IQCM: variants seen among roughly 807,000 people sequenced by gnomAD.
The protein encoded by IQCM is IQ motif containing M.
In IQCM, 45 loss-of-function variants were observed where a neutral mutation model predicts 57.6. The ratio of observed to expected loss-of-function variants is 0.78; its 90% CI spans 0.62 to 1.00. IQCM has a LOEUF of 1.00. Ranked by LOEUF, IQCM falls within the 50% of genes least tolerant of loss-of-function variation. The pLI is 0.00. For missense variants in IQCM, 468 were observed against 511.6 expected, an observed-to-expected ratio of 0.91 and a Z score of 0.82; for synonymous variants, 148 against 158.9, an observed-to-expected ratio of 0.93 and a Z score of 0.51.
chr4:149,571,563 C>A (rs1751161901), intron 9 of IQCM, among the ~76,000 whole-genome samples: 1 of 151,996 alleles, frequency 6.6e-6, no homozygotes, highest in Non-Finnish European at 1.5e-5. Flanking sequence ...TCCAAGAGAT[C>A]TATTGTATAA....
At chr4:149,469,531 C>A (rs1399257848) in intron 12 of IQCM, among the ~76,000 whole-genome samples, 2 of 152,170 alleles carry the variant, frequency 1.3e-5, no homozygotes, top group African/African-American at 4.8e-5. Flanking sequence ...AGAATGGAAG[C>A]AAGTTGGAAA....
At chr4:149,648,379 C>T (rs1758835344) in intron 7 of IQCM, among the ~76,000 whole-genome samples, 1 of 152,140 alleles carries the variant, frequency 6.6e-6, no homozygotes, top group Admixed American at 6.5e-5. Context: ...ATGAACTCAT[C>T]ATTTTTTATG....
chr4:149,471,576 C>T (rs1739551739), intron 12 of IQCM, among the ~76,000 whole-genome samples: 1 of 152,120 alleles, frequency 6.6e-6, no homozygotes, highest in Non-Finnish European at 1.5e-5. Context: ...TGAAAGTATT[C>T]CAATCAATAG....
At chr4:149,507,580 G>A (rs973009247) in intron 12 of IQCM, among the ~76,000 whole-genome samples, 1 of 152,164 alleles carries the variant, frequency 6.6e-6, no homozygotes, top group Non-Finnish European at 1.5e-5. Flanking sequence ...ACTTGAGAGA[G>A]ATGATTTAGG....
At chr4:149,518,963 A>G (rs186706952) in intron 12 of IQCM, among the ~76,000 whole-genome samples, 63 of 152,350 alleles carry the variant, frequency 4.1e-4, no homozygotes, top group Admixed American at 1.8e-3. Flanking sequence ...TTGCCCACCA[A>G]ATCAATCATA....
chr4:149,799,704 A>G (rs1773432012), intron 2 of IQCM, among the ~76,000 whole-genome samples: 1 of 151,880 alleles, frequency 6.6e-6, no homozygotes, highest in Non-Finnish European at 1.5e-5. Context: ...GAGCAACTAC[A>G]TGCCAATAAA....
chr4:149,516,205 T>C (rs368518574), intron 12 of IQCM, among the ~76,000 whole-genome samples: 1 of 152,262 alleles, frequency 6.6e-6, no homozygotes, highest in African/African-American at 2.4e-5. Context: ...TACCTGGTGG[T>C]AGGTTGATTA....
intron 5 of IQCM, among the ~76,000 whole-genome samples, chr4:149,719,584 C>T (rs1321033711): frequency 6.6e-6 from 1 of 152,166 alleles, no homozygotes; most frequent in East Asian, 1.9e-4. Flanking sequence ...AGTTTATCTT[C>T]AGCAATGCTT....
intron 11 of IQCM, among the ~76,000 whole-genome samples, chr4:149,549,517 C>CA (rs1438910277): frequency 8.1e-4 from 122 of 150,640 alleles, no homozygotes; most frequent in African/African-American, 2.4e-3. Context: ...GACTCCGTCT[C>CA]AAAAAAAAAG....
intron 13 of IQCM, among the ~76,000 whole-genome samples, chr4:149,403,056 G>A (rs922379053): frequency 1.5e-4 from 22 of 151,688 alleles, no homozygotes; most frequent in South Asian, 6.2e-4. Context: ...GATGTCATTC[G>A]TATTTAAAAG....
intron 12 of IQCM, among the ~76,000 whole-genome samples, chr4:149,524,880 T>C (rs1746005460): frequency 6.6e-6 from 1 of 151,660 alleles, no homozygotes; most frequent in East Asian, 1.9e-4. Context: ...GTAATATACT[T>C]ATAAACCTAT....
chr4:149,591,135 C>T (rs1753120688), intron 8 of IQCM, among the ~76,000 whole-genome samples: 1 of 151,932 alleles, frequency 6.6e-6, no homozygotes, highest in African/African-American at 2.4e-5. Context: ...TTCTCAAATC[C>T]CACAGTTTAA....
At chr4:149,381,338 A>C (rs1731061188) in intron 13 of IQCM, among the ~76,000 whole-genome samples, 1 of 152,008 alleles carries the variant, frequency 6.6e-6, no homozygotes, top group African/African-American at 2.4e-5. Context: ...GCCAGATTAA[A>C]CCATGTCATT....
intron 13 of IQCM, among the ~76,000 whole-genome samples, chr4:149,392,133 T>TC (rs1731902513): frequency 6.6e-6 from 1 of 151,758 alleles, no homozygotes; most frequent in Non-Finnish European, 1.5e-5. Flanking sequence ...CAGTTTTTTT[T>TC]TTTTTCACAT....
chr4:149,706,200 T>C (rs1049981675), intron 5 of IQCM, among the ~76,000 whole-genome samples: 8 of 152,108 alleles, frequency 5.3e-5, no homozygotes, highest in African/African-American at 1.9e-4. Flanking sequence ...TGAATCTTCT[T>C]TATTTCCATT....
chr4:149,647,756 C>T (rs1364921664), intron 7 of IQCM, among the ~76,000 whole-genome samples: 1 of 152,072 alleles, frequency 6.6e-6, no homozygotes, highest in African/African-American at 2.4e-5. Context: ...TTAATTGGGT[C>T]TCTTGAACCT....
rs181438095 is a variant in IQCM, at chr4:149,468,957, C to T, written c.1229-35400G>A. Among the ~76,000 whole-genome samples, 496 of 152,232 alleles carry T rather than the reference C, an allele frequency of 3.3e-3. 3 individuals are homozygous for T. Among genetic ancestry groups the T allele is most frequent in the African/African-American group, 0.011 (469 of 41,550 alleles). The stretch of plus-strand genomic sequence containing the variant: ...CTAACAAACAGAAAGGACATCCACA[C>T]CAAAACCCATCTGTACGTCACCATC... On this transcript the variant is annotated intron_variant, in intron 12 of 13. Transcript: ENST00000636793.
intron 12 of IQCM, among the ~76,000 whole-genome samples, chr4:149,512,139 C>A (rs1461645759): frequency 6.6e-6 from 1 of 152,200 alleles, no homozygotes; most frequent in Non-Finnish European, 1.5e-5. Flanking sequence ...TCAACACTGA[C>A]TGGTCAACCC....
chr4:149,609,719 A>G (rs1755110142), intron 8 of IQCM, among the ~76,000 whole-genome samples: 3 of 152,008 alleles, frequency 2.0e-5, no homozygotes, highest in Middle Eastern at 3.4e-3. Flanking sequence ...CAAACTCGGT[A>G]TAGGGGGAAC....
Sources: gnomAD v4.1 joint callset for allele counts (sites outside exome capture counted in the v4.1 genomes callset) on GRCh38, gnomAD v4.1.1 for gene constraint, MANE v1.5 for transcripts, NCBI Gene and HGNC (gene_info 2026-07-23, HGNC 2026-07-21) for gene names.